Variants in CHMP7 observed in about 807,000 individuals in gnomAD.
CHMP7 encodes charged multivesicular body protein 7.
CHMP7 carries 15 observed loss-of-function variants against 53.7 expected under a neutral mutation model. That is an observed-to-expected ratio of 0.28 (90% CI 0.19 to 0.43). The LOEUF (loss-of-function observed/expected upper bound fraction) is 0.43. Ranked by LOEUF, CHMP7 falls within the 20% of genes least tolerant of loss-of-function variation. The pLI, the probability that CHMP7 is intolerant of heterozygous loss-of-function variation, is 1.00. For missense variants in CHMP7, 527 were observed against 569.4 expected, an observed-to-expected ratio of 0.93 and a Z score of 0.76; for synonymous variants, 261 against 228.0, an observed-to-expected ratio of 1.14 and a Z score of -1.30.
At chr8:23,247,686 G>T (rs1423852311) in intron 2 of CHMP7, among the ~76,000 whole-genome samples, 1 of 152,166 alleles carries the variant, frequency 6.6e-6, no homozygotes, top group Non-Finnish European at 1.5e-5. Flanking sequence ...CGGTCTTGTG[G>T]TGAGGTGATA....
chr8:23,245,529 T>C (rs1801655140), intron 1 of CHMP7, among the ~76,000 whole-genome samples: 1 of 152,256 alleles, frequency 6.6e-6, no homozygotes, highest in African/African-American at 2.4e-5. Context: ...TTTGCTAACA[T>C]TCTATTGATG....
At chr8:23,257,712 G>A (rs1447200890) in intron 5 of CHMP7, among the ~76,000 whole-genome samples, 1 of 152,202 alleles carries the variant, frequency 6.6e-6, no homozygotes, top group Admixed American at 6.5e-5. Context: ...GGATATGTCC[G>A]AGGTCATTGT....
At chr8:23,254,787 C>A in intron 3 of CHMP7, 1 of 217,094 alleles carries the variant, frequency 4.6e-6, no homozygotes, top group Non-Finnish European at 9.4e-6. Flanking sequence ...GGAGAGACTA[C>A]AATTGGAAGG....
chr8:23,258,744 T>C lies in CHMP7; in HGVS notation c.973T>C (p.Tyr325His). The stretch of plus-strand genomic sequence containing the variant: ...GCTTTGTCTTTAGGTTTTTAACGCC[T>C]ACCAGGCTGGGGTAGGAGCACTCAA... ...SQTDQMVFNA[Y>H]QAGVGALKLS... Residue 325 changes from tyrosine to histidine, a missense_variant, in exon 8 of 11, where the codon TAC (tyrosine) becomes CAC (histidine). Tyr to His is a moderately conservative substitution (Grantham distance 83). Transcript: ENST00000397677. The C allele has an allele frequency of 6.2e-7, 1 of 1,612,644 alleles. No homozygotes were observed. The highest frequency in any genetic ancestry group is 8.5e-7 in the Non-Finnish European group (1 of 1,178,744).
rs375307979 is a variant in CHMP7, at chr8:23,246,554, A to G, written c.-142A>G. On this transcript the variant is annotated 5_prime_UTR_variant, in exon 2 of 11. An upstream start codon of the reference 5' UTR is lost. Coordinates refer to ENST00000397677, the MANE Select transcript of CHMP7 (RefSeq NM_152272.5). ...CGCAACGCATGCGCCTTGAAGACTT[A>G]TGGAACTTATTTCACGCTCAGGGCG... The G allele has an allele frequency of 3.5e-4, 237 of 682,280 alleles. No individual in the cohort carries two copies. Among genetic ancestry groups the G allele is most frequent in the South Asian group, 1.9e-3 (99 of 52,532 alleles). 42.3% of individuals were successfully genotyped at this position (682,280 alleles called of 1,614,324 possible).
intron 6 of CHMP7, 102 bp from the exon 7 acceptor site, chr8:23,258,228 A>G: frequency 1.3e-6 from 2 of 1,531,800 alleles, no homozygotes; most frequent in Admixed American, 1.7e-5. Flanking sequence ...TACAGATGGG[A>G]GGGAAGAAAG....
rs558541603 is a variant in CHMP7 at position 23,256,511 on chromosome 8, G to A, written c.709G>A (p.Val237Ile). The change falls in exon 5 of 11, where the codon GTA (valine) becomes ATA (isoleucine). Residue 237 changes from valine to isoleucine, a missense_variant. Val to Ile is a conservative substitution (Grantham distance 29). Coordinates refer to ENST00000397677, the MANE Select transcript of CHMP7 (RefSeq NM_152272.5). ...PRAKVSPVND[V>I]DVGVYQLMQS... ...TGCCAAGGTCTCTCCAGTCAATGAC[G>A]TAGATGTTGGGGTGTACCAGCTGAT... 1.2e-5 allele frequency: 19 copies of A among 1,609,304 alleles called. No homozygotes were observed. Among genetic ancestry groups the A allele is most frequent in the African/African-American group, 5.3e-5 (4 of 74,818 alleles).
intron 2 of CHMP7, chr8:23,248,039 T>C: frequency 4.4e-6 from 2 of 456,110 alleles, no homozygotes; most frequent in South Asian, 3.1e-5. Context: ...CTCGAACTCC[T>C]GCACTCAAGC....
intron 5 of CHMP7, 196 bp downstream of exon 5, chr8:23,256,789 C>CTTTT (rs71210606): frequency 1.3e-4 from 13 of 102,702 alleles, no homozygotes; most frequent in South Asian, 2.5e-4. Flanking sequence ...AATGAGGCCT[C>CTTTT]TTTTTTTTTT....
At position 23,258,847 on chromosome 8, in the gene CHMP7, G is replaced by C. The variant is rs781321305; in HGVS notation, c.1059+17G>C. 1 of 1,531,794 alleles carries C rather than the reference G, an allele frequency of 6.5e-7. No individual in the cohort carries two copies. The highest frequency in any genetic ancestry group is 9.0e-7 in the Non-Finnish European group (1 of 1,106,062). The allele number at this position is 1,531,794 out of a possible 1,614,324, so 94.9% of individuals were successfully genotyped here. ...ATCCAAGAGGTACAGAAAGGGGCCA[G>C]GGAGGGACACACAGAGAAGGAGGTG... On this transcript the variant is annotated intron_variant, in intron 8 of 10. Transcript: ENST00000397677.
intron 4 of CHMP7, 66 bp from the exon 5 acceptor site, chr8:23,256,394 C>T (rs952562547): frequency 1.2e-5 from 13 of 1,095,468 alleles, no homozygotes; most frequent in African/African-American, 1.1e-4. Flanking sequence ...CCACCACCAG[C>T]GCTCCTGGTT....
At chr8:23,247,546 A>G (rs1417165196) in intron 2 of CHMP7, among the ~76,000 whole-genome samples, 2 of 152,140 alleles carry the variant, frequency 1.3e-5, no homozygotes, top group African/African-American at 4.8e-5. Flanking sequence ...AGTGCCCTTA[A>G]AAGGTCTGTA....
In CHMP7 at chr8:23,252,195, C is replaced by CTTTTTTTTTTTTTTTTTTTT. The variant is rs373288680; in HGVS notation, c.471+2828_471+2829insTTTTTTTTTTTTTTTTTTTT. Among the ~76,000 whole-genome samples, 419 of 105,114 alleles carry CTTTTTTTTTTTTTTTTTTTT rather than the reference C, an allele frequency of 4.0e-3. 34 individuals carry two copies. Among genetic ancestry groups the CTTTTTTTTTTTTTTTTTTTT allele is most frequent in the Middle Eastern group, 0.025 (3 of 118 alleles). 69.0% of individuals were successfully genotyped at this position (105,114 alleles called of 152,430 possible). A position where few individuals can be genotyped will look rare whatever the true frequency, so the allele number is the denominator to read the frequency against. ...CCTTTCCTGTTTTGTATTGTGTTAT[C>CTTTTTTTTTTTTTTTTTTTT]TTTTTTTTTTTTTTGAGATGGAGTT... On this transcript the variant is annotated intron_variant, in intron 3 of 10. Coordinates refer to ENST00000397677, the MANE Select transcript of CHMP7 (RefSeq NM_152272.5).
In CHMP7 at chr8:23,258,836, G is replaced by C; in HGVS notation, c.1059+6G>C. The C allele has an allele frequency of 6.3e-7, 1 of 1,583,784 alleles. No individual in the cohort carries two copies. Among genetic ancestry groups the C allele is most frequent in the Non-Finnish European group, 8.7e-7 (1 of 1,153,028 alleles). ...TCGTGGATCAGATCCAAGAGGTACA[G>C]AAAGGGGCCAGGGAGGGACACACAG... On this transcript the variant is annotated splice_donor_region_variant and intron_variant, in intron 8 of 10. Coordinates refer to ENST00000397677, the MANE Select transcript of CHMP7 (RefSeq NM_152272.5).
In CHMP7 at chr8:23,246,651, C is replaced by T. The variant is rs1801697127; in HGVS notation, c.-45C>T. On this transcript the variant is annotated 5_prime_UTR_variant, in exon 2 of 11. Transcript: ENST00000397677. ...GGAGGGAACGAGGGCGGAAGCGGACCAGGGCCAGGCTTGTGTTCGCAGCCT... is the reference window on the plus strand; with the variant it reads ...GGAGGGAACGAGGGCGGAAGCGGACTAGGGCCAGGCTTGTGTTCGCAGCCT... 3.3e-6 allele frequency: 5 copies of T among 1,510,256 alleles called. No homozygotes were observed. The highest frequency in any genetic ancestry group is 2.5e-5 in the East Asian group (1 of 40,542). 93.6% of individuals were successfully genotyped at this position (1,510,256 alleles called of 1,614,324 possible). A position where few individuals can be genotyped will look rare whatever the true frequency, so the allele number is the denominator to read the frequency against.
chr8:23,256,693 T>TTTG (rs1411816685), intron 5 of CHMP7, 100 bp downstream of exon 5: 7 of 891,072 alleles, frequency 7.9e-6, no homozygotes, highest in Non-Finnish European at 1.0e-5. Flanking sequence ...TAGGTGGGTT[T>TTTG]TTTTTTTTTT....
intron 2 of CHMP7, among the ~76,000 whole-genome samples, chr8:23,247,565 G>A (rs1801754845): frequency 6.6e-6 from 1 of 152,174 alleles, no homozygotes; most frequent in Non-Finnish European, 1.5e-5. Flanking sequence ...TAGGAGATAC[G>A]TGTGCGACAG....
At chr8:23,258,502 T>C (rs1802228812) in intron 7 of CHMP7, 53 bp downstream of exon 7, 14 of 1,605,254 alleles carry the variant, frequency 8.7e-6, no homozygotes, top group Middle Eastern at 1.7e-4. Context: ...TGTGTGTTGG[T>C]CACTTGCAGC....
Position 23,258,095 on chromosome 8 carries a change from T to C in CHMP7, c.840+14T>C. 6.2e-7 allele frequency: 1 copy of C among 1,609,394 alleles called. No individual in the cohort carries two copies. Among genetic ancestry groups the C allele is most frequent in the Non-Finnish European group, 8.5e-7 (1 of 1,176,150 alleles). ...AAGAAGCAGCTGGTGAGTTCTTGTC[T>C]CCTCCAGACCCATAGCAGTGCCCCA... On this transcript the variant is annotated intron_variant, in intron 6 of 10. Coordinates refer to ENST00000397677, the MANE Select transcript of CHMP7 (RefSeq NM_152272.5).
Sources: gnomAD v4.1 joint callset for allele counts (sites outside exome capture counted in the v4.1 genomes callset) on GRCh38, gnomAD v4.1.1 for gene constraint, MANE v1.5 for transcripts, NCBI Gene and HGNC (gene_info 2026-07-23, HGNC 2026-07-21) for gene names.